RPS6KA5: variants seen among roughly 807,000 people sequenced by gnomAD.
The protein encoded by RPS6KA5 is ribosomal protein S6 kinase A5, also known as ribosomal protein S6 kinase alpha-5.
In RPS6KA5, 27 loss-of-function variants were observed where a neutral mutation model predicts 85.5. The observed-to-expected ratio is 0.32, with a 90% CI of 0.23 to 0.44. RPS6KA5 has a LOEUF of 0.44. RPS6KA5 is among the 20% of genes least tolerant of loss of function. RPS6KA5 has a pLI of 1.00. For missense variants in RPS6KA5, 811 were observed against 980.9 expected (o/e 0.83, Z 2.31); for synonymous variants, 334 against 348.2 (o/e 0.96, Z 0.46).
rs143990644 is a variant in RPS6KA5 at position 90,890,556 on chromosome 14, G to A, written c.1767C>T (p.Ala589=). ...CGTTCTGATTCAAGAGCTCTGGGGCGGCATAATGAAGGGTGAAGCATGGAG... is the reference window on the plus strand; with the variant it reads ...CGTTCTGATTCAAGAGCTCTGGGGCAGCATAATGAAGGGTGAAGCATGGAG... ...LKTPCFTLHY[A]APELLNQNGY... The change falls in exon 14 of 17, where the codon GCC becomes GCT. Residue 589 remains alanine, a synonymous_variant. Transcript: ENST00000614987. 6.9e-5 allele frequency: 112 copies of A among 1,614,120 alleles called. No homozygotes were observed. The African/African-American group carries it at 1.2e-3, about 17-fold the overall frequency.
chr14:90,877,564 C>T (rs1595103859), intron 14 of RPS6KA5, among the ~76,000 whole-genome samples: 1 of 152,206 alleles, frequency 6.6e-6, no homozygotes, highest in Non-Finnish European at 1.5e-5. Context: ...CCTTCACTGG[C>T]TTCCTTCAGT....
chr14:91,008,260 AAG>A (rs1436078772), intron 1 of RPS6KA5, among the ~76,000 whole-genome samples: 1 of 152,244 alleles, frequency 6.6e-6, no homozygotes, highest in Non-Finnish European at 1.5e-5. Flanking sequence ...GGTAGAAATA[AAG>A]AGAACAATAA....
chr14:90,925,941 C>CAAAAAAAA (rs71117389), intron 5 of RPS6KA5, among the ~76,000 whole-genome samples: 68 of 73,328 alleles, frequency 9.3e-4, no homozygotes, highest in Non-Finnish European at 1.2e-3. Flanking sequence ...GACCCTGACT[C>CAAAAAAAA]AAAAAAAAAA....
At chr14:90,969,061 G>A (rs2039202590) in intron 3 of RPS6KA5, among the ~76,000 whole-genome samples, 1 of 152,182 alleles carries the variant, frequency 6.6e-6, no homozygotes, top group African/African-American at 2.4e-5. Flanking sequence ...CAAGCCGTGT[G>A]TGTGTATGTG....
chr14:90,883,641 TTC>T (rs747062517), intron 14 of RPS6KA5, among the ~76,000 whole-genome samples: 3 of 152,176 alleles, frequency 2.0e-5, no homozygotes, highest in Non-Finnish European at 4.4e-5. Context: ...CAGAAACAGT[TTC>T]TGTTGATTTA....
intron 1 of RPS6KA5, among the ~76,000 whole-genome samples, chr14:91,058,938 C>G (rs1247090424): frequency 1.3e-5 from 2 of 152,202 alleles, no homozygotes; most frequent in East Asian, 3.8e-4. Flanking sequence ...AAAGAACTGA[C>G]GGACAGAGCT....
intron 9 of RPS6KA5, among the ~76,000 whole-genome samples, 161 bp downstream of exon 9, chr14:90,902,647 C>A (rs2035239347): frequency 6.6e-6 from 1 of 152,130 alleles, no homozygotes; most frequent in African/African-American, 2.4e-5. Context: ...AAACTATAAG[C>A]TTCGGTTAAC....
chr14:90,955,688 G>A (rs1356167222), intron 3 of RPS6KA5, among the ~76,000 whole-genome samples: 1 of 152,036 alleles, frequency 6.6e-6, no homozygotes, highest in Non-Finnish European at 1.5e-5. Context: ...AGAGAATGTT[G>A]CATCTGTATA....
In RPS6KA5 at chr14:91,060,617, C is replaced by G. The variant is rs1340249566; in HGVS notation, c.-183G>C. On this transcript the variant is annotated 5_prime_UTR_variant, in exon 1 of 17. Transcript: ENST00000614987. ...ACGGCTCGCTCCTCGCCTCCTCCCC[C>G]TTCGGCGGGCACCGCTAGTACCGCG... 2.5e-6 allele frequency: 2 copies of G among 814,152 alleles called. No homozygotes were observed. The highest frequency in any genetic ancestry group is 6.9e-5 in the East Asian group (2 of 28,944). The allele number at this position is 814,152 out of a possible 1,614,324, so 50.4% of individuals were successfully genotyped here. A position where few individuals can be genotyped will look rare whatever the true frequency, so the allele number is the denominator to read the frequency against.
chr14:91,019,302 T>C (rs1165155989), intron 1 of RPS6KA5, among the ~76,000 whole-genome samples: 5 of 152,176 alleles, frequency 3.3e-5, no homozygotes, highest in Admixed American at 2.0e-4. Flanking sequence ...TCAGTGGACT[T>C]TGAGTAAAGC....
chr14:90,960,292 A>C (rs1156695139), intron 3 of RPS6KA5, among the ~76,000 whole-genome samples: 1 of 152,180 alleles, frequency 6.6e-6, no homozygotes, highest in Admixed American at 6.5e-5. Context: ...ATGCCCCTGA[A>C]AGTAAAAACA....
At chr14:90,910,965 G>A (rs1011183731) in intron 7 of RPS6KA5, among the ~76,000 whole-genome samples, 2 of 152,132 alleles carry the variant, frequency 1.3e-5, no homozygotes, top group Admixed American at 6.5e-5. Context: ...GATTACAGGC[G>A]TGAGCCACTG....
chr14:90,904,171 G>C lies in RPS6KA5; in HGVS notation c.958-1202C>G, dbSNP rs56303520. Among the ~76,000 whole-genome samples the C allele has an allele frequency of 5.1e-3, 779 of 152,132 alleles. 5 individuals carry two copies. The highest frequency in any genetic ancestry group is 7.2e-3 in the Non-Finnish European group (490 of 68,006). ...TCACTGTGTTAGCCAGGATGGTCTCGATCTCCTGACCTAGTGATCCGCCCA... is the reference window on the plus strand; with the variant it reads ...TCACTGTGTTAGCCAGGATGGTCTCCATCTCCTGACCTAGTGATCCGCCCA... On this transcript the variant is annotated intron_variant, in intron 8 of 16. Coordinates refer to ENST00000614987, the MANE Select transcript of RPS6KA5 (RefSeq NM_004755.4).
In RPS6KA5 at chr14:90,863,302, C is replaced by CAAAAAAAAAAAAAAAAAAAAAAAAAAAAA. The variant is rs61230626; in HGVS notation, c.*8771_*8772insTTTTTTTTTTTTTTTTTTTTTTTTTTTTT. ...TGGGTGGCAGAGCGAGACTCCGTCT[C>CAAAAAAAAAAAAAAAAAAAAAAAAAAAAA]AAAAAAAAAAAAAAAAAAAAAAAAA... On this transcript the variant is annotated 3_prime_UTR_variant, in exon 17 of 17. Coordinates refer to ENST00000614987, the MANE Select transcript of RPS6KA5 (RefSeq NM_004755.4). The CAAAAAAAAAAAAAAAAAAAAAAAAAAAAA allele has an allele frequency of 8.1e-5, 2 of 24,804 alleles. No individual in the cohort carries two copies. The highest frequency in any genetic ancestry group is 2.2e-4 in the African/African-American group (2 of 9,120). 1.5% of individuals were successfully genotyped at this position (24,804 alleles called of 1,614,324 possible).
intron 3 of RPS6KA5, among the ~76,000 whole-genome samples, chr14:90,973,728 C>T (rs547122040): frequency 3.3e-5 from 5 of 152,092 alleles, no homozygotes; most frequent in Middle Eastern, 6.8e-3. Context: ...ATTACAACCA[C>T]GTTATATTAT....
chr14:91,035,877 AAAAAC>A (rs2042384781), intron 1 of RPS6KA5, among the ~76,000 whole-genome samples: 5 of 97,248 alleles, frequency 5.1e-5, no homozygotes, highest in South Asian at 3.3e-4. Context: ...AAAAAAAAAA[AAAAAC>A]CCCAAAGCTG....
chr14:90,926,548 A>T (rs1370851005), intron 5 of RPS6KA5, among the ~76,000 whole-genome samples: 1 of 152,016 alleles, frequency 6.6e-6, no homozygotes, highest in Non-Finnish European at 1.5e-5. Context: ...GGTGGTTACA[A>T]GGGTGCTGTC....
chr14:90,956,634 A>G (rs932434969), intron 3 of RPS6KA5, among the ~76,000 whole-genome samples: 1 of 151,658 alleles, frequency 6.6e-6, no homozygotes, highest in South Asian at 2.1e-4. Context: ...TTTCTAGTGC[A>G]ACATTTTAAT....
At chr14:90,975,452 G>A (rs1295155063) in intron 3 of RPS6KA5, among the ~76,000 whole-genome samples, 1 of 152,156 alleles carries the variant, frequency 6.6e-6, no homozygotes, top group Non-Finnish European at 1.5e-5. Flanking sequence ...AAAGCAATCT[G>A]ACTGGTGTCC....
Sources: gnomAD v4.1 joint callset for allele counts (sites outside exome capture counted in the v4.1 genomes callset) on GRCh38, gnomAD v4.1.1 for gene constraint, MANE v1.5 for transcripts, NCBI Gene and HGNC (gene_info 2026-07-23, HGNC 2026-07-21) for gene names.